Variants in HHLA2 observed in about 807,000 individuals in gnomAD.
The protein encoded by HHLA2 is HERV-H LTR-associating protein 2.
Under a neutral mutation model 45.9 loss-of-function variants are expected in HHLA2, and 48 were observed. That is an observed-to-expected ratio of 1.05 (90% CI 0.83 to 1.33). The LOEUF (loss-of-function observed/expected upper bound fraction) is 1.33. Ranked by LOEUF, HHLA2 falls within the 40% of genes most tolerant of loss-of-function variation. HHLA2 has a pLI of 0.00. For missense variants in HHLA2, 462 were observed against 494.3 expected (o/e 0.93, Z 0.62); for synonymous variants, 161 against 173.9 (o/e 0.93, Z 0.59).
At chr3:108,301,839 T>C (rs1374456915) in intron 1 of HHLA2, among the ~76,000 whole-genome samples, 3 of 152,150 alleles carry the variant, frequency 2.0e-5, no homozygotes, top group Admixed American at 6.6e-5. Context: ...ACTCCTCTAT[T>C]GTTTCTCTTC....
chr3:108,322,940 T>C (rs2081229331), intron 2 of HHLA2, among the ~76,000 whole-genome samples: 1 of 152,162 alleles, frequency 6.6e-6, no homozygotes, highest in African/African-American at 2.4e-5. Flanking sequence ...TACAAGTTGG[T>C]GGACTTTCAC....
chr3:108,323,378 G>T (rs1264482294), intron 2 of HHLA2, among the ~76,000 whole-genome samples: 3 of 151,884 alleles, frequency 2.0e-5, no homozygotes, highest in Non-Finnish European at 4.4e-5. Context: ...AACTTCTCAT[G>T]TACCCCATAA....
chr3:108,359,929 T>G (rs992976176), intron 7 of HHLA2, among the ~76,000 whole-genome samples: 1 of 152,184 alleles, frequency 6.6e-6, no homozygotes, highest in Non-Finnish European at 1.5e-5. Context: ...TGGTGCCTCA[T>G]TCACACTTCT....
intron 1 of HHLA2, chr3:108,302,595 A>T (rs138164663): frequency 1.3e-5 from 2 of 152,314 alleles, no homozygotes; most frequent in African/African-American, 2.4e-5. Context: ...AGTTGGGAAC[A>T]CTTCCTTGGT....
intron 9 of HHLA2, 64 bp downstream of exon 8, chr3:108,375,864 G>T: frequency 6.3e-7 from 1 of 1,578,726 alleles, no homozygotes; most frequent in South Asian, 1.1e-5. Flanking sequence ...AAAAGATATC[G>T]GCAAAAACTC....
intron 3 of HHLA2, among the ~76,000 whole-genome samples, chr3:108,346,986 C>G (rs1038203802): frequency 3.9e-5 from 6 of 152,182 alleles, no homozygotes; most frequent in Non-Finnish European, 8.8e-5. Flanking sequence ...GGCTGCCTCT[C>G]TCTGCCTTTC....
At chr3:108,318,763 A>T (rs1240308694) in intron 2 of HHLA2, among the ~76,000 whole-genome samples, 2 of 152,138 alleles carry the variant, frequency 1.3e-5, no homozygotes, top group Non-Finnish European at 2.9e-5. Context: ...TTTAAGCTAT[A>T]AGTTGTGTTG....
At chr3:108,337,682 C>T (rs567740530) in intron 3 of HHLA2, among the ~76,000 whole-genome samples, 2 of 152,212 alleles carry the variant, frequency 1.3e-5, no homozygotes, top group South Asian at 4.2e-4. Flanking sequence ...TAAGGTGGAA[C>T]AGAGACCTAT....
rs1223370640 is a variant in HHLA2 at position 108,373,678 on chromosome 3, C to A, written c.1109-2072C>A. On this transcript the variant is annotated intron_variant, in intron 8 of 10. Transcript: ENST00000619531. ...CAAAAATCACAAGCATTCTTATACA[C>A]CAATAACAGACAAACAGAGAGCCAA... 5.9e-5 allele frequency among the ~76,000 whole-genome samples: 9 copies of A among 151,564 alleles called. No homozygotes were observed. The East Asian group carries it at 1.7e-3, about 29-fold the overall frequency.
chr3:108,325,223 G>T (rs1306307214), intron 2 of HHLA2, among the ~76,000 whole-genome samples: 1 of 151,782 alleles, frequency 6.6e-6, no homozygotes, highest in Non-Finnish European at 1.5e-5. Flanking sequence ...TAAACAGCAT[G>T]GGTGCAAAAA....
At chr3:108,342,055 T>G (rs2107421954) in intron 3 of HHLA2, among the ~76,000 whole-genome samples, 1 of 152,212 alleles carries the variant, frequency 6.6e-6, no homozygotes, top group South Asian at 2.1e-4. Context: ...GAACAATTTG[T>G]CAGTTCTTTT....
chr3:108,320,736 A>G (rs1012874788), intron 2 of HHLA2, among the ~76,000 whole-genome samples: 5 of 152,160 alleles, frequency 3.3e-5, no homozygotes, highest in African/African-American at 1.2e-4. Flanking sequence ...CTAGGACAAG[A>G]TGAACTTGCA....
At chr3:108,301,066 T>G (rs1434579767) in intron 1 of HHLA2, among the ~76,000 whole-genome samples, 1 of 152,160 alleles carries the variant, frequency 6.6e-6, no homozygotes, top group African/African-American at 2.4e-5. Context: ...GCACAATATC[T>G]CTTCTAATTT....
At chr3:108,335,808 A>G (rs2081462812) in intron 3 of HHLA2, among the ~76,000 whole-genome samples, 1 of 152,140 alleles carries the variant, frequency 6.6e-6, no homozygotes, top group African/African-American at 2.4e-5. Context: ...CCACAAAAGT[A>G]GTGATAGGGG....
chr3:108,355,245 C>T, exon 6 of HHLA2: 6 of 1,613,856 alleles, frequency 3.7e-6, no homozygotes, highest in South Asian at 2.2e-5. Flanking sequence ...CTGAAAACAA[C>T]ATGGAAGAAA....
chr3:108,317,236 C>T (rs138162713), intron 2 of HHLA2, among the ~76,000 whole-genome samples: 143 of 152,278 alleles, frequency 9.4e-4, no homozygotes, highest in African/African-American at 3.0e-3. Flanking sequence ...TAGAGTTTAA[C>T]GAATCTGTAG....
chr3:108,346,400 C>T (rs1014074714), intron 3 of HHLA2, among the ~76,000 whole-genome samples: 2 of 152,132 alleles, frequency 1.3e-5, no homozygotes, highest in African/African-American at 4.8e-5. Context: ...AAAGAGTTTT[C>T]CTTTGTTAAG....
chr3:108,334,408 T>C (rs1454362292), intron 3 of HHLA2, among the ~76,000 whole-genome samples: 1 of 152,232 alleles, frequency 6.6e-6, no homozygotes, highest in East Asian at 1.9e-4. Context: ...TCTGCATGTA[T>C]ATCGTTCAGT....
rs376874169 is a variant in HHLA2 at position 108,355,161 on chromosome 3, C to T, written c.465C>T (p.Ser155=). Residue 155 remains serine (S), a synonymous_variant, in exon 6 of 11, where the codon AGC becomes AGT. Transcript: ENST00000619531. ...AGTATGAAAAGAGGAACACAAACAG[C>T]TTCTTAATATGCAGCGTGTTAAGTG... 7 of 1,613,420 alleles carry T rather than the reference C, an allele frequency of 4.3e-6. No individual in the cohort carries two copies. The African/African-American group carries it at 9.3e-5, about 22-fold the overall frequency.
Sources: gnomAD v4.1 joint callset for allele counts (sites outside exome capture counted in the v4.1 genomes callset) on GRCh38, gnomAD v4.1.1 for gene constraint, MANE v1.5 for transcripts, NCBI Gene and HGNC (gene_info 2026-07-23, HGNC 2026-07-21) for gene names.